Variants in FGF14 observed in about 807,000 individuals in gnomAD.
FGF14 encodes the protein fibroblast growth factor 14.
In FGF14, 5 loss-of-function variants were observed where a neutral mutation model predicts 25.5. The ratio of observed to expected loss-of-function variants is 0.20; its 90% CI spans 0.10 to 0.41. The LOEUF (loss-of-function observed/expected upper bound fraction) is 0.41, where lower values mean the gene tolerates loss of function less well. FGF14 is among the 10% of genes least tolerant of loss of function. The pLI is 1.00. For synonymous variants in FGF14, 138 were observed against 118.3 expected, an observed-to-expected ratio of 1.17 and a Z score of -1.08; for missense variants, 222 against 320.1, an observed-to-expected ratio of 0.69 and a Z score of 2.34.
chr13:101,944,513 T>A (rs1261796503), intron 1 of FGF14, among the ~76,000 whole-genome samples: 1 of 152,186 alleles, frequency 6.6e-6, no homozygotes, highest in Non-Finnish European at 1.5e-5. Flanking sequence ...AGTTTGCCAA[T>A]CCCTGAGTTG....
At chr13:101,985,385 A>T (rs928083770) in intron 1 of FGF14, among the ~76,000 whole-genome samples, 13 of 152,134 alleles carry the variant, frequency 8.5e-5, no homozygotes, top group Non-Finnish European at 1.6e-4. Context: ...TTATGATGTT[A>T]AATAACTACT....
chr13:101,744,499 T>C (rs2036757998), intron 3 of FGF14, among the ~76,000 whole-genome samples: 1 of 152,130 alleles, frequency 6.6e-6, no homozygotes, highest in South Asian at 2.1e-4. Context: ...ACTTTGTCAG[T>C]CACCTTTGCA....
At chr13:102,033,707 A>G (rs953850979) in intron 1 of FGF14, among the ~76,000 whole-genome samples, 2 of 152,288 alleles carry the variant, frequency 1.3e-5, no homozygotes, top group Admixed American at 1.3e-4. Flanking sequence ...ATTAGGATGC[A>G]ATGTCTATTC....
chr13:102,399,120 G>C (rs1003202109), intron 1 of FGF14, among the ~76,000 whole-genome samples: 9 of 152,104 alleles, frequency 5.9e-5, no homozygotes, highest in Middle Eastern at 3.4e-3. Context: ...GCCTTGGAAG[G>C]GGGGAAAAAC....
At chr13:102,343,002 A>G (rs1175483551) in intron 1 of FGF14, among the ~76,000 whole-genome samples, 5 of 152,198 alleles carry the variant, frequency 3.3e-5, no homozygotes, top group Non-Finnish European at 5.9e-5. Flanking sequence ...TAAGAGTAAG[A>G]TGAAGACTAT....
chr13:102,218,030 C>T (rs1397790327), intron 1 of FGF14, among the ~76,000 whole-genome samples: 1 of 152,038 alleles, frequency 6.6e-6, no homozygotes, highest in Non-Finnish European at 1.5e-5. Flanking sequence ...CAAATTCTGC[C>T]CGTTTCAAGA....
At chr13:102,124,591 T>A (rs909500344) in intron 1 of FGF14, among the ~76,000 whole-genome samples, 7 of 152,088 alleles carry the variant, frequency 4.6e-5, no homozygotes, top group Admixed American at 4.6e-4. Flanking sequence ...CCAGTATGGA[T>A]ACAGTTCTGG....
intron 1 of FGF14, among the ~76,000 whole-genome samples, chr13:102,024,291 C>T (rs2040817143): frequency 6.6e-6 from 1 of 152,044 alleles, no homozygotes; most frequent in Non-Finnish European, 1.5e-5. Context: ...ACACTTATTT[C>T]TGTCTGACTT....
At chr13:102,328,314 C>T (rs1203321009) in intron 1 of FGF14, among the ~76,000 whole-genome samples, 1 of 152,210 alleles carries the variant, frequency 6.6e-6, no homozygotes, top group African/African-American at 2.4e-5. Flanking sequence ...CAAGCACTAA[C>T]TGGGCAGAAA....
intron 1 of FGF14, among the ~76,000 whole-genome samples, chr13:102,022,987 TCTAAAG>T (rs1320511846): frequency 7.1e-6 from 1 of 140,680 alleles, no homozygotes; most frequent in African/African-American, 2.5e-5. Flanking sequence ...GGGCCTCTAC[TCTAAAG>T]AATTTACAGT....
chr13:102,026,193 T>C (rs2040916226), intron 1 of FGF14, among the ~76,000 whole-genome samples: 1 of 152,044 alleles, frequency 6.6e-6, no homozygotes, highest in Non-Finnish European at 1.5e-5. Context: ...TTGATTGAGA[T>C]GAGCATGCTA....
At chr13:101,912,773 G>A (rs560299927) in intron 1 of FGF14, among the ~76,000 whole-genome samples, 57 of 152,154 alleles carry the variant, frequency 3.7e-4, no homozygotes, top group African/African-American at 1.3e-3. Flanking sequence ...AATTTGAAAA[G>A]TATTTTTATG....
chr13:102,136,660 GGA>G lies in FGF14; in HGVS notation c.209-261366_209-261365del, dbSNP rs1491242822. On this transcript the variant is annotated intron_variant, in intron 1 of 4. Transcript: ENST00000376131. ...GCCCACAGATTAAATAAATTCTATG[GGA>G]AAAAAAAAAAAAAAACCTGAGACTG... Among the ~76,000 whole-genome samples the G allele has an allele frequency of 1.2e-3, 121 of 102,480 alleles. 1 individual carries two copies. Among genetic ancestry groups the G allele is most frequent in the African/African-American group, 5.6e-3 (116 of 20,728 alleles). The allele number at this position is 102,480 out of a possible 152,430, so 67.2% of individuals were successfully genotyped here.
intron 1 of FGF14, among the ~76,000 whole-genome samples, chr13:102,267,241 C>G (rs186622353): frequency 7.9e-5 from 12 of 152,262 alleles, no homozygotes; most frequent in East Asian, 5.8e-4. Flanking sequence ...CAACCACACC[C>G]TAGTCGGGGA....
intron 1 of FGF14, among the ~76,000 whole-genome samples, chr13:102,245,735 C>A (rs1450662609): frequency 6.6e-6 from 1 of 152,048 alleles, no homozygotes; most frequent in Middle Eastern, 3.4e-3. Context: ...AAGCACACTG[C>A]GTGTGTTGAG....
At chr13:101,968,982 G>A (rs1191001506) in intron 1 of FGF14, among the ~76,000 whole-genome samples, 1 of 151,554 alleles carries the variant, frequency 6.6e-6, no homozygotes, top group African/African-American at 2.4e-5. Context: ...ACAATTCCTT[G>A]GTATGGACAG....
chr13:101,879,044 C>T (rs1461090769), intron 1 of FGF14, among the ~76,000 whole-genome samples: 1 of 152,082 alleles, frequency 6.6e-6, no homozygotes, highest in African/African-American at 2.4e-5. Flanking sequence ...AAGTCCTACA[C>T]CTATATTTTA....
intron 1 of FGF14, among the ~76,000 whole-genome samples, chr13:102,197,812 T>C (rs1226200467): frequency 1.3e-5 from 2 of 152,134 alleles, no homozygotes; most frequent in Non-Finnish European, 2.9e-5. Context: ...TTTTAGATCA[T>C]TACAAAATTA....
rs56774921 is a variant in FGF14, at chr13:102,352,242, TACACACACACACAC to T, written c.208+49215_208+49228del. Among the ~76,000 whole-genome samples the T allele has an allele frequency of 2.4e-3, 325 of 137,362 alleles. 2 individuals are homozygous for T. Among genetic ancestry groups the T allele is most frequent in the East Asian group, 0.014 (66 of 4,618 alleles). The allele number at this position is 137,362 out of a possible 152,430, so 90.1% of individuals were successfully genotyped here. On this transcript the variant is annotated intron_variant, in intron 1 of 4. Transcript: ENST00000376131. ...AACAACCACAATATCTGTACCTTTA[TACACACACACACAC>T]ACACACACACACACACACACACACA...
Sources: gnomAD v4.1 joint callset for allele counts (sites outside exome capture counted in the v4.1 genomes callset) on GRCh38, gnomAD v4.1.1 for gene constraint, MANE v1.5 for transcripts, NCBI Gene and HGNC (gene_info 2026-07-23, HGNC 2026-07-21) for gene names.